The following EIF4G3 variants were observed in gnomAD, a reference collection of about 807,000 sequenced individuals.
The protein encoded by EIF4G3 is eIF-4-gamma 3.
EIF4G3 carries 34 observed loss-of-function variants against 186.4 expected under a neutral mutation model. That is an observed-to-expected ratio of 0.18 (90% confidence interval 0.14 to 0.24). The LOEUF (loss-of-function observed/expected upper bound fraction) is 0.24, where lower values mean the gene tolerates loss of function less well. Among genes scored for constraint, EIF4G3 ranks in the 10% least tolerant of loss-of-function variants. The probability of loss-of-function intolerance (pLI) is 1.00; values close to 1 mark genes in which losing one functional copy is unlikely to be tolerated. For synonymous variants in EIF4G3, 673 were observed against 679.5 expected, an observed-to-expected ratio of 0.99 and a Z score of 0.15; for missense variants, 1,536 against 1,948.5, an observed-to-expected ratio of 0.79 and a Z score of 3.99.
rs145207345 is a variant in EIF4G3 at position 20,938,005 on chromosome 1, T to C, written c.1663+3486A>G. On this transcript the variant is annotated intron_variant, in intron 14 of 36. Coordinates refer to ENST00000602326, the MANE Select transcript of EIF4G3 (RefSeq NM_001391906.1). Reference sequence around the variant, plus strand: ...AATCCGAAAACAACTGATGCTTTCTTTTTTTTTTTAAGATGGGGTCTTGCT... The same window carrying C: ...AATCCGAAAACAACTGATGCTTTCTCTTTTTTTTTAAGATGGGGTCTTGCT... Among the ~76,000 whole-genome samples, 484 of 149,930 alleles carry C rather than the reference T, an allele frequency of 3.2e-3. 2 individuals are homozygous for C. The highest frequency in any genetic ancestry group is 0.011 in the African/African-American group (451 of 40,914).
intron 30 of EIF4G3, among the ~76,000 whole-genome samples, chr1:20,835,626 T>C (rs1270019554): frequency 6.6e-6 from 1 of 152,074 alleles, no homozygotes; most frequent in African/African-American, 2.4e-5. Flanking sequence ...GATAAACTCA[T>C]AGATATATAC....
intron 2 of EIF4G3, among the ~76,000 whole-genome samples, chr1:21,128,084 G>A (rs1315318597): frequency 6.6e-6 from 1 of 151,990 alleles, no homozygotes; most frequent in Non-Finnish European, 1.5e-5. Flanking sequence ...GCGGGCGCCT[G>A]TAGTCCCAGC....
At chr1:20,871,919 G>T (rs2079308176) in intron 20 of EIF4G3, among the ~76,000 whole-genome samples, 1 of 151,920 alleles carries the variant, frequency 6.6e-6, no homozygotes, top group African/African-American at 2.4e-5. Context: ...CACCTCCTGG[G>T]TTCAAGTGAT....
intron 12 of EIF4G3, 138 bp from the exon 13 acceptor site, chr1:20,950,249 A>G: frequency 3.8e-6 from 2 of 521,884 alleles, no homozygotes; most frequent in Non-Finnish European, 3.3e-6. Context: ...GAAAAAATAT[A>G]TAGTCCAATT....
intron 4 of EIF4G3, among the ~76,000 whole-genome samples, chr1:21,011,701 G>A (rs1405986968): frequency 6.6e-6 from 1 of 151,996 alleles, no homozygotes; most frequent in Non-Finnish European, 1.5e-5. Context: ...CCTCTCCCTT[G>A]ACAACCACAA....
intron 2 of EIF4G3, among the ~76,000 whole-genome samples, chr1:21,092,769 A>G (rs1440624860): frequency 1.3e-5 from 2 of 152,320 alleles, no homozygotes; most frequent in African/African-American, 2.4e-5. Context: ...CCAACAGAAC[A>G]GAACAGAGCC....
At chr1:21,064,956 A>T (rs1290021744) in intron 3 of EIF4G3, 6 of 152,136 alleles carry the variant, frequency 3.9e-5, no homozygotes, top group African/African-American at 1.4e-4. Context: ...ACAAGGTTGT[A>T]TGCGAGTCTG....
chr1:20,900,431 G>A (rs1405686530), intron 15 of EIF4G3, among the ~76,000 whole-genome samples: 1 of 151,582 alleles, frequency 6.6e-6, no homozygotes, highest in Non-Finnish European at 1.5e-5. Context: ...TTACAAAAAG[G>A]CCACTTGCTA....
At chr1:20,981,727 G>A (rs185641365) in intron 8 of EIF4G3, among the ~76,000 whole-genome samples, 8 of 135,282 alleles carry the variant, frequency 5.9e-5, no homozygotes, top group East Asian at 2.1e-4. Flanking sequence ...ACATGTATAC[G>A]CACATACTGT....
chr1:21,135,185 G>A (rs772663487), intron 2 of EIF4G3, among the ~76,000 whole-genome samples: 1 of 152,200 alleles, frequency 6.6e-6, no homozygotes, highest in Non-Finnish European at 1.5e-5. Flanking sequence ...CACCCGCAGA[G>A]TCACAACAGA....
chr1:21,104,655 G>A (rs1440863464), intron 2 of EIF4G3, among the ~76,000 whole-genome samples: 3 of 152,170 alleles, frequency 2.0e-5, no homozygotes, highest in South Asian at 2.1e-4. Flanking sequence ...ATTGTGAAAA[G>A]CAGTTTACCA....
intron 13 of EIF4G3, among the ~76,000 whole-genome samples, chr1:20,949,209 A>G (rs1051465464): frequency 2.1e-4 from 32 of 152,194 alleles, no homozygotes; most frequent in Non-Finnish European, 2.8e-4. Context: ...TCAAGTTAAA[A>G]TACAACTAGG....
chr1:20,857,162 CAA>C (rs577290987), intron 25 of EIF4G3, among the ~76,000 whole-genome samples: 4 of 47,362 alleles, frequency 8.4e-5, no homozygotes, highest in Non-Finnish European at 1.1e-4. Context: ...GACTCCATCT[CAA>C]AAAAAAAAAA....
At chr1:21,082,898 C>T (rs375544745) in intron 3 of EIF4G3, among the ~76,000 whole-genome samples, 2 of 151,006 alleles carry the variant, frequency 1.3e-5, no homozygotes, top group African/African-American at 2.4e-5. Context: ...ATTAGCCGGG[C>T]GTGTTGGCGG....
intron 12 of EIF4G3, among the ~76,000 whole-genome samples, chr1:20,962,083 G>A (rs2096581745): frequency 6.6e-6 from 1 of 152,088 alleles, no homozygotes; most frequent in Non-Finnish European, 1.5e-5. Flanking sequence ...CATATAACAT[G>A]AATATCATAA....
intron 2 of EIF4G3, among the ~76,000 whole-genome samples, chr1:21,130,249 A>C (rs1390127117): frequency 7.3e-6 from 1 of 137,840 alleles, no homozygotes; most frequent in Non-Finnish European, 1.5e-5. Flanking sequence ...TTTTGAGACA[A>C]AGTCTCGCTC....
rs1169736211 is a variant in EIF4G3, at chr1:21,176,761, C to T, written c.-495G>A. 1.4e-6 allele frequency: 1 copy of T among 699,202 alleles called. No homozygotes were observed. The highest frequency in any genetic ancestry group is 2.6e-6 in the Non-Finnish European group (1 of 383,616). The allele number at this position is 699,202 out of a possible 1,614,324, so 43.3% of individuals were successfully genotyped here. On this transcript the variant is annotated 5_prime_UTR_variant, in exon 1 of 37. Coordinates refer to ENST00000602326, the MANE Select transcript of EIF4G3 (RefSeq NM_001391906.1). ...TCCTCATGGGCCGGCGGCGGGGGAT[C>T]TTTATCCCCCTCCCCGGAGGAAGCG...
At chr1:21,148,472 G>A (rs2097491359) in intron 2 of EIF4G3, among the ~76,000 whole-genome samples, 2 of 152,094 alleles carry the variant, frequency 1.3e-5, no homozygotes, top group Non-Finnish European at 2.9e-5. Flanking sequence ...GGAGGCCAAG[G>A]TAGGCGGATC....
intron 29 of EIF4G3, among the ~76,000 whole-genome samples, chr1:20,844,810 C>A (rs889411759): frequency 6.6e-6 from 1 of 151,666 alleles, no homozygotes; most frequent in Non-Finnish European, 1.5e-5. Flanking sequence ...CCAGCCTGGG[C>A]GACAAGAGCA....
Sources: gnomAD v4.1 joint callset for allele counts (sites outside exome capture counted in the v4.1 genomes callset) on GRCh38, gnomAD v4.1.1 for gene constraint, MANE v1.5 for transcripts, NCBI Gene and HGNC (gene_info 2026-07-23, HGNC 2026-07-21) for gene names.